The following PIK3R3 variants were observed in gnomAD, a reference collection of about 807,000 sequenced individuals.
PIK3R3 encodes phosphoinositide-3-kinase regulatory subunit 3, also known as phosphatidylinositol 3-kinase regulatory subunit gamma.
Under a neutral mutation model 62.9 loss-of-function variants are expected in PIK3R3, and 64 were observed. The ratio of observed to expected loss-of-function variants is 1.02; its 90% CI spans 0.83 to 1.25. The LOEUF (loss-of-function observed/expected upper bound fraction) is 1.25. PIK3R3 is among the 50% of genes most tolerant of loss of function. The pLI, the probability that PIK3R3 is intolerant of heterozygous loss-of-function variation, is 0.00. For missense variants in PIK3R3, 614 were observed against 561.6 expected, an observed-to-expected ratio of 1.09 and a Z score of -0.94; for synonymous variants, 165 against 189.0, an observed-to-expected ratio of 0.87 and a Z score of 1.04.
chr1:46,043,741 G>A lies in PIK3R3; in HGVS notation c.1318C>T (p.His440Tyr), dbSNP rs772733484. The part of the protein sequence containing the change: ...LHYQQTSLVQ[H>Y]NDSLNVRLAY... ...AGCCTGACGTTGAGGGAGTCGTTGT[G>A]CTGAACCAAGGATGTCTGCTGGTAA... is the stretch of plus-strand genomic sequence containing the variant. The change falls in exon 10 of 10, where the codon CAC becomes TAC. Residue 440 changes from histidine to tyrosine, a missense_variant. His to Tyr is a moderately conservative substitution (Grantham distance 83). Coordinates refer to ENST00000262741, the MANE Select transcript of PIK3R3 (RefSeq NM_003629.4). 6.2e-7 allele frequency: 1 copy of A among 1,614,238 alleles called. No individual in the cohort carries two copies. The highest frequency in any genetic ancestry group is 1.7e-5 in the Admixed American group (1 of 60,028).
intron 7 of PIK3R3, among the ~76,000 whole-genome samples, chr1:46,054,733 AC>A (rs891828328): frequency 6.6e-5 from 10 of 152,358 alleles, no homozygotes. Flanking sequence ...TATAATTCAC[AC>A]ATTTTATTCT....
Position 46,043,536 on chromosome 1 carries a change from C to G in PIK3R3, c.*137G>C. On this transcript the variant is annotated 3_prime_UTR_variant, in exon 10 of 10. Coordinates refer to ENST00000262741, the MANE Select transcript of PIK3R3 (RefSeq NM_003629.4). ...GCCCCCATCCCGGCCGGCTGCTGCT[C>G]GGCCTCTCCACTTCACATTCACAAA... 1 of 755,744 alleles carries G rather than the reference C, an allele frequency of 1.3e-6. No homozygotes were observed. The highest frequency in any genetic ancestry group is 2.2e-6 in the Non-Finnish European group (1 of 462,876). The allele number at this position is 755,744 out of a possible 1,614,324, so 46.8% of individuals were successfully genotyped here. A position where few individuals can be genotyped will look rare whatever the true frequency, so the allele number is the denominator to read the frequency against.
chr1:46,131,790 C>A, intron 1 of PIK3R3, 57 bp downstream of exon 1: 1 of 1,535,360 alleles, frequency 6.5e-7, no homozygotes, highest in South Asian at 1.1e-5. Flanking sequence ...TCAGCAAGCT[C>A]TTGGTAAATA....
chr1:46,144,112 A>AAT, the PIK3R3 span, among the ~76,000 whole-genome samples: 2 of 152,184 alleles, frequency 1.3e-5, no homozygotes, highest in East Asian at 3.9e-4. Flanking sequence ...AATATTTGGA[A>AAT]ATAGTACCCA....
chr1:46,070,493 G>T (rs1649384454), intron 3 of PIK3R3, among the ~76,000 whole-genome samples: 1 of 152,210 alleles, frequency 6.6e-6, no homozygotes, highest in Non-Finnish European at 1.5e-5. Context: ...GAGAAAAAAA[G>T]AACATGTGAA....
intron 6 of PIK3R3, among the ~76,000 whole-genome samples, chr1:46,058,897 G>T (rs1210046059): frequency 2.0e-5 from 3 of 152,170 alleles, no homozygotes; most frequent in Non-Finnish European, 4.4e-5. Context: ...GAAATGTAAA[G>T]ATAAAGGATT....
intron 1 of PIK3R3, among the ~76,000 whole-genome samples, chr1:46,088,234 A>C (rs923812930): frequency 6.6e-5 from 10 of 152,150 alleles, no homozygotes; most frequent in Admixed American, 5.2e-4. Context: ...TAAATAAATA[A>C]ATATTTTAAA....
the PIK3R3 span, among the ~76,000 whole-genome samples, chr1:46,161,859 A>G: frequency 4.6e-5 from 7 of 151,788 alleles, no homozygotes; most frequent in South Asian, 2.1e-4. Flanking sequence ...TTGGGAGGCC[A>G]AGGTGGGCGG....
chr1:46,083,787 T>G (rs1036107907), intron 1 of PIK3R3, among the ~76,000 whole-genome samples: 15 of 152,036 alleles, frequency 9.9e-5, no homozygotes, highest in African/African-American at 3.6e-4. Context: ...ATAACAAGTG[T>G]TGGTGAGGAT....
intron 1 of PIK3R3, among the ~76,000 whole-genome samples, chr1:46,083,704 G>T (rs1389554007): frequency 6.6e-6 from 1 of 152,104 alleles, no homozygotes. Context: ...AGCCAACAGA[G>T]AAATGCACAT....
At chr1:46,091,937 G>A (rs1651675961) in intron 1 of PIK3R3, among the ~76,000 whole-genome samples, 1 of 151,926 alleles carries the variant, frequency 6.6e-6, no homozygotes, top group Non-Finnish European at 1.5e-5. Flanking sequence ...TTTTGTTGTT[G>A]TATTGTTATT....
At chr1:46,055,762 G>A (rs780224128) in intron 7 of PIK3R3, 33 bp downstream of exon 7, 21 of 1,445,412 alleles carry the variant, frequency 1.5e-5, no homozygotes, top group African/African-American at 5.8e-5. Context: ...TGGCACTAAC[G>A]TCTCCCTCCC....
chr1:46,056,052 C>CTT, intron 6 of PIK3R3, 81 bp from the exon 7 acceptor site: 35 of 691,672 alleles, frequency 5.1e-5, no homozygotes, highest in East Asian at 1.5e-4. Flanking sequence ...TCCTAATATC[C>CTT]TTTTTTTTTT....
intron 3 of PIK3R3, among the ~76,000 whole-genome samples, chr1:46,070,877 C>A (rs1325970272): frequency 6.6e-6 from 1 of 152,150 alleles, no homozygotes; most frequent in Non-Finnish European, 1.5e-5. Context: ...TAGTCCAATG[C>A]CTGGCAGATA....
rs1186270129 is a variant in PIK3R3 at position 46,044,535 on chromosome 1, G to A, written c.1188-664C>T. 2.6e-5 allele frequency among the ~76,000 whole-genome samples: 4 copies of A among 152,106 alleles called. No individual in the cohort carries two copies. The highest frequency in any genetic ancestry group is 1.9e-4 in the East Asian group (1 of 5,192). ...CCTAAGTCTTACAAGAACCATTCTCGCCTACATTTCCACTCAGATAACTTC... is the reference window on the plus strand; with the variant it reads ...CCTAAGTCTTACAAGAACCATTCTCACCTACATTTCCACTCAGATAACTTC... On this transcript the variant is annotated intron_variant, in intron 9 of 9. Transcript: ENST00000262741. This position sits in a 1 kb window ranked among gnomAD's most constrained non-coding sequence, Gnocchi z 4.2.
chr1:46,127,356 A>AATATAT (rs1553157057), intron 1 of PIK3R3, among the ~76,000 whole-genome samples: 7 of 133,960 alleles, frequency 5.2e-5, no homozygotes, highest in African/African-American at 1.7e-4. Flanking sequence ...AAAAAAAAAA[A>AATATAT]ATATATATAT....
At chr1:46,164,440 A>C in the PIK3R3 span, among the ~76,000 whole-genome samples, 1 of 152,082 alleles carries the variant, frequency 6.6e-6, no homozygotes, top group Admixed American at 6.6e-5. Flanking sequence ...TCCTCTTCAC[A>C]GGTCTCCTTG....
the PIK3R3 span, among the ~76,000 whole-genome samples, chr1:46,157,456 A>G: frequency 2.0e-5 from 3 of 152,278 alleles, no homozygotes; most frequent in South Asian, 4.1e-4. Context: ...TCCTCTTTAA[A>G]AGGAACTAGT....
chr1:46,105,228 G>T, intron 1 of PIK3R3: 2 of 410,104 alleles, frequency 4.9e-6, no homozygotes, highest in Non-Finnish European at 4.5e-6. Context: ...CATCAGCTGG[G>T]CACGGTGGCT....
Sources: allele counts gnomAD v4.1 joint callset (sites outside exome capture counted in the v4.1 genomes callset), GRCh38; gene constraint gnomAD v4.1.1; non-coding constraint Gnocchi (gnomAD v3.1); transcripts MANE v1.5; gene names NCBI Gene and HGNC (gene_info 2026-07-23, HGNC 2026-07-21).